Variants in INO80C observed in about 807,000 individuals in gnomAD.
INO80C encodes the protein IES6 homolog.
Under a neutral mutation model 17.7 loss-of-function variants are expected in INO80C, and 17 were observed. The observed-to-expected ratio is 0.96, with a 90% CI of 0.66 to 1.44. The LOEUF (loss-of-function observed/expected upper bound fraction) is 1.44. INO80C is among the 40% of genes most tolerant of loss of function. The pLI is 0.00. For missense variants in INO80C, 244 were observed against 245.0 expected, an observed-to-expected ratio of 1.00 and a Z score of 0.03; for synonymous variants, 96 against 95.8, an observed-to-expected ratio of 1.00 and a Z score of -0.01.
At chr18:35,481,650 G>A (rs1284041106) in intron 1 of INO80C, among the ~76,000 whole-genome samples, 2 of 152,206 alleles carry the variant, frequency 1.3e-5, no homozygotes, top group African/African-American at 4.8e-5. Context: ...TTGGGAGGCT[G>A]AGGTGGTTGG....
chr18:35,497,470 C>T (rs1038308667), intron 1 of INO80C: 2 of 1,286,646 alleles, frequency 1.6e-6, no homozygotes, highest in Admixed American at 4.0e-5. Flanking sequence ...AGAGGCAGTC[C>T]TTCTATTAAT....
At chr18:35,478,649 T>C (rs572622402) in intron 3 of INO80C, among the ~76,000 whole-genome samples, 7 of 152,144 alleles carry the variant, frequency 4.6e-5, no homozygotes, top group Non-Finnish European at 7.3e-5. Context: ...GATCTCACAC[T>C]ACATGGGCTG....
At chr18:35,487,889 C>T (rs561386185) in intron 1 of INO80C, 23 of 152,276 alleles carry the variant, frequency 1.5e-4, no homozygotes, top group African/African-American at 5.3e-4. Context: ...TGGATAAATA[C>T]ACCCATTCCA....
intron 1 of INO80C, among the ~76,000 whole-genome samples, chr18:35,488,476 C>T (rs1168401489): frequency 8.1e-6 from 1 of 122,784 alleles, no homozygotes; most frequent in East Asian, 2.8e-4. Flanking sequence ...GCAGCCGTGG[C>T]CCAAGCTCTA....
intron 1 of INO80C, among the ~76,000 whole-genome samples, chr18:35,488,135 G>A (rs2045895888): frequency 6.6e-6 from 1 of 152,216 alleles, no homozygotes; most frequent in Admixed American, 6.5e-5. Flanking sequence ...GAGTGTCTGT[G>A]TCTTTTCCAG....
chr18:35,471,349 A>AC (rs780768925), intron 4 of INO80C, among the ~76,000 whole-genome samples: 38 of 152,320 alleles, frequency 2.5e-4, no homozygotes, highest in Non-Finnish European at 4.4e-4. Flanking sequence ...ACATATGTAA[A>AC]CACACAAGAG....
At chr18:35,469,191 A>G (rs2045639341) in intron 4 of INO80C, among the ~76,000 whole-genome samples, 1 of 151,958 alleles carries the variant, frequency 6.6e-6, no homozygotes, top group Admixed American at 6.6e-5. Context: ...AGCTCTTCCA[A>G]CACCCCCTGC....
chr18:35,485,480 T>C (rs1703839), intron 1 of INO80C, among the ~76,000 whole-genome samples: 144,616 of 152,244 alleles, frequency 0.95, 69,008 homozygotes, highest in East Asian at 1. Flanking sequence ...TAGGGAAATG[T>C]AAATCAAAAT....
chr18:35,497,256 G>A (rs1555639164), intron 1 of INO80C: 1 of 845,982 alleles, frequency 1.2e-6, no homozygotes, highest in Non-Finnish European at 1.4e-6. Flanking sequence ...GGAAACCCAG[G>A]GTCAAAAAAG....
At chr18:35,485,932 C>T (rs1163946548) in intron 1 of INO80C, among the ~76,000 whole-genome samples, 16 of 152,124 alleles carry the variant, frequency 1.1e-4, no homozygotes. Context: ...CAAAAGTGGC[C>T]TAGGCAACAT....
At chr18:35,495,440 G>GA (rs957834029) in intron 1 of INO80C, among the ~76,000 whole-genome samples, 11 of 152,200 alleles carry the variant, frequency 7.2e-5, no homozygotes, top group African/African-American at 2.7e-4. Context: ...TTGGGAAAAG[G>GA]AGAGTCAGGA....
rs755405301 is a variant in INO80C, at chr18:35,484,412, T to C, written c.157-3849A>G. Among the ~76,000 whole-genome samples the C allele has an allele frequency of 5.3e-5, 8 of 152,268 alleles. No individual in the cohort carries two copies. In the East Asian group the frequency reaches 5.8e-4, roughly 11 times the overall value. On this transcript the variant is annotated intron_variant, in intron 1 of 4. Transcript: ENST00000334598. ...TGAGAAGACTGGAAACAATGAACAA[T>C]AGGCAAAGCAACATTCAGATCATCC...
chr18:35,473,565 T>G (rs2045696065), intron 4 of INO80C, among the ~76,000 whole-genome samples: 3 of 152,124 alleles, frequency 2.0e-5, no homozygotes, highest in African/African-American at 7.2e-5. Context: ...CTATGCATGT[T>G]CAAGGCAAGA....
rs750401488 is a variant in INO80C, at chr18:35,497,756, C to T, written c.119G>A (p.Ser40Asn). The T allele has an allele frequency of 1.2e-6, 2 of 1,612,928 alleles. No individual in the cohort carries two copies. Among genetic ancestry groups the T allele is most frequent in the Admixed American group, 3.3e-5 (2 of 59,908 alleles). Residue 40 changes from serine to asparagine, a missense_variant, in exon 1 of 5, where the codon AGT becomes AAT. Coordinates refer to ENST00000334598, the MANE Select transcript of INO80C (RefSeq NM_194281.4). ...NGSSGGGYGA[S>N]KKKKASASSF... ...GGAAGCGGACGCTTTTTTCTTCTTA[C>T]TGGCGCCATAGCCCCCGCCGCTGCT...
intron 1 of INO80C, among the ~76,000 whole-genome samples, chr18:35,485,457 C>T (rs551840726): frequency 1.1e-4 from 17 of 152,250 alleles, no homozygotes; most frequent in African/African-American, 3.6e-4. Context: ...AGATGCTCAA[C>T]ATCACTAGTC....
intron 4 of INO80C, among the ~76,000 whole-genome samples, chr18:35,471,480 A>C (rs1393610778): frequency 6.6e-6 from 1 of 152,218 alleles, no homozygotes; most frequent in Non-Finnish European, 1.5e-5. Flanking sequence ...GTTACTATGC[A>C]TTGAGCTCAA....
At chr18:35,490,331 G>C (rs2045921370) in intron 1 of INO80C, among the ~76,000 whole-genome samples, 1 of 152,148 alleles carries the variant, frequency 6.6e-6, no homozygotes, top group Admixed American at 6.5e-5. Context: ...GGGCCTACGA[G>C]TGGCCTAAAT....
Position 35,493,166 on chromosome 18 carries a change from C to T in INO80C, c.156+4553G>A, listed in dbSNP as rs75735819. Among the ~76,000 whole-genome samples the T allele has an allele frequency of 8.3e-3, 1,263 of 152,238 alleles. 103 individuals carry two copies. The East Asian group carries it at 0.18, about 22-fold the overall frequency. On this transcript the variant is annotated intron_variant, in intron 1 of 4. Transcript: ENST00000334598. Reference sequence around the variant, plus strand: ...ATGAAGTGATCAATTCACAGAGGGTCGTTTGGAGAATTAAATGACATAGTA... The same window carrying T: ...ATGAAGTGATCAATTCACAGAGGGTTGTTTGGAGAATTAAATGACATAGTA...
At chr18:35,477,378 T>A (rs562016405) in intron 4 of INO80C, among the ~76,000 whole-genome samples, 206 of 152,350 alleles carry the variant, frequency 1.4e-3, no homozygotes, top group African/African-American at 4.8e-3. Context: ...GGATATTACA[T>A]AATAATAACA....
Sources: gnomAD v4.1 joint callset for allele counts (sites outside exome capture counted in the v4.1 genomes callset) on GRCh38, gnomAD v4.1.1 for gene constraint, MANE v1.5 for transcripts, NCBI Gene and HGNC (gene_info 2026-07-23, HGNC 2026-07-21) for gene names.